DLG5: variants seen among roughly 807,000 people sequenced by gnomAD.
DLG5 encodes discs large MAGUK scaffold protein 5.
In DLG5, 48 loss-of-function variants were observed where a neutral mutation model predicts 189.8. That is an observed-to-expected ratio of 0.25 (90% CI 0.20 to 0.32). The LOEUF is 0.32. Among genes scored for constraint, DLG5 ranks in the 10% least tolerant of loss-of-function variants. The probability of loss-of-function intolerance (pLI) is 1.00; values close to 1 mark genes in which losing one functional copy is unlikely to be tolerated. For missense variants in DLG5, 2,160 were observed against 2,544.7 expected (o/e 0.85, Z 3.25); for synonymous variants, 1,016 against 1,054.1 (o/e 0.96, Z 0.70).
rs941709736 is a variant in DLG5, at chr10:77,850,964, T to G, written c.864+2390A>C. ...CAAACTAAACCCCAAGGCAAAAGGT[T>G]ACCTGAGCCAAGCGTAGACCAAGAA... On this transcript the variant is annotated intron_variant, in intron 5 of 31. Transcript: ENST00000372391. Among the ~76,000 whole-genome samples, 4 of 152,314 alleles carry G rather than the reference T, an allele frequency of 2.6e-5. No individual in the cohort carries two copies. In the South Asian group the frequency reaches 6.2e-4, roughly 24 times the overall value.
At position 77,821,498 on chromosome 10, in the gene DLG5, C is replaced by G; in HGVS notation, c.2986G>C (p.Gly996Arg). The G allele has an allele frequency of 6.2e-7, 1 of 1,612,634 alleles. No homozygotes were observed. Among genetic ancestry groups the G allele is most frequent in the Non-Finnish European group, 8.5e-7 (1 of 1,179,932 alleles). Residue 996 changes from glycine to arginine, a missense_variant, in exon 15 of 32, where the codon GGG becomes CGG. By Grantham distance (125) the Gly-to-Arg change is moderately radical (BLOSUM62 -2). Around this residue, in one of 5 missense-constraint regions of DLG5, gnomAD observed 754 missense variants for 746.5 expected, o/e 1.01. Transcript: ENST00000372391. ...PKIDYLLPGP[G>R]PAHSPQPSKR... Reference sequence around the variant, plus strand: ...GAGGGCTGGGGAGAGTGAGCAGGCCCAGGACCTGGAAGCAGGTAGTCTATT... The same window carrying G: ...GAGGGCTGGGGAGAGTGAGCAGGCCGAGGACCTGGAAGCAGGTAGTCTATT...
intron 2 of DLG5, among the ~76,000 whole-genome samples, chr10:77,863,832 G>C (rs934416079): frequency 8.5e-5 from 13 of 152,282 alleles, no homozygotes; most frequent in African/African-American, 3.1e-4. Flanking sequence ...GGCTCTGGAT[G>C]GAGACAAAGA....
At chr10:77,896,437 G>C (rs369455244) in intron 1 of DLG5, among the ~76,000 whole-genome samples, 1 of 152,180 alleles carries the variant, frequency 6.6e-6, no homozygotes, top group African/African-American at 2.4e-5. Context: ...GTACTGGTTT[G>C]TGCATACTTC....
At chr10:77,845,632 GGAGAAA>G (rs949315771) in intron 5 of DLG5, among the ~76,000 whole-genome samples, 1 of 151,388 alleles carries the variant, frequency 6.6e-6, no homozygotes, top group African/African-American at 2.4e-5. Context: ...AGGAAGGGGA[GGAGAAA>G]GAGAAAGAGA....
At chr10:77,826,842 G>A (rs1214112249) in intron 13 of DLG5, among the ~76,000 whole-genome samples, 3 of 151,942 alleles carry the variant, frequency 2.0e-5, no homozygotes, top group Middle Eastern at 3.2e-3. Context: ...CAGCTACTTG[G>A]GAGGCTGAAG....
intron 7 of DLG5, among the ~76,000 whole-genome samples, chr10:77,837,450 C>T (rs543148627): frequency 6.6e-6 from 1 of 152,250 alleles, no homozygotes; most frequent in African/African-American, 2.4e-5. Flanking sequence ...AGGAGGTGGG[C>T]AGCTCCCCCA....
At chr10:77,795,007 C>T (rs776478942) in intron 29 of DLG5, 49 bp from the exon 30 acceptor site, 1 of 1,519,474 alleles carries the variant, frequency 6.6e-7, no homozygotes, top group Non-Finnish European at 9.1e-7. Flanking sequence ...GAGGGGCAGC[C>T]AGCCCCCTGT....
intron 2 of DLG5, among the ~76,000 whole-genome samples, chr10:77,864,639 G>A (rs1176302107): frequency 6.6e-6 from 1 of 152,214 alleles, no homozygotes; most frequent in Non-Finnish European, 1.5e-5. Context: ...TGTGGTAAAA[G>A]CCCTCCGGGT....
chr10:77,899,613 G>A (rs1402443081), intron 1 of DLG5, among the ~76,000 whole-genome samples: 1 of 152,162 alleles, frequency 6.6e-6, no homozygotes, highest in Non-Finnish European at 1.5e-5. Flanking sequence ...CAGGCTCAAG[G>A]CCCAGCTTTC....
intron 1 of DLG5, among the ~76,000 whole-genome samples, chr10:77,924,744 T>C (rs901910072): frequency 6.6e-6 from 1 of 152,162 alleles, no homozygotes; most frequent in Non-Finnish European, 1.5e-5. Flanking sequence ...GGGGAAAGAA[T>C]GCAGGTTTGA....
chr10:77,906,727 C>A (rs1311617928), intron 1 of DLG5, among the ~76,000 whole-genome samples: 13 of 150,228 alleles, frequency 8.7e-5, no homozygotes, highest in African/African-American at 2.9e-4. Flanking sequence ...CCAGTTCAAG[C>A]GACTCTCCTA....
rs1269783384 is a variant in DLG5 at position 77,833,969 on chromosome 10, G to A, written c.1693C>T (p.Leu565=). The change falls in exon 9 of 32, where the codon CTG becomes TTG. Residue 565 remains leucine, a synonymous_variant. Transcript: ENST00000372391. ...TTCTTCTGCTTGCGGGTGTCATCCAGGCTGCGCAGGGCCTCAGCCAGCTCG... is the reference window on the plus strand; with the variant it reads ...TTCTTCTGCTTGCGGGTGTCATCCAAGCTGCGCAGGGCCTCAGCCAGCTCG... ...VSELAEALRS[L]DDTRKQKNDV... 1.2e-6 allele frequency: 2 copies of A among 1,607,492 alleles called. No individual in the cohort carries two copies. The highest frequency in any genetic ancestry group is 2.2e-5 in the South Asian group (2 of 91,070).
intron 1 of DLG5, among the ~76,000 whole-genome samples, chr10:77,924,228 G>A (rs980302149): frequency 6.6e-6 from 1 of 152,148 alleles, no homozygotes; most frequent in East Asian, 1.9e-4. Context: ...TTTTTCTAAG[G>A]ATTTCATGAC....
chr10:77,842,612 C>T (rs543378038), intron 6 of DLG5, among the ~76,000 whole-genome samples: 13 of 152,344 alleles, frequency 8.5e-5, no homozygotes, highest in African/African-American at 1.7e-4. Flanking sequence ...CAAGTTCGCT[C>T]GAAGAGCACA....
intron 4 of DLG5, among the ~76,000 whole-genome samples, 162 bp downstream of exon 4, chr10:77,854,065 T>A (rs1844111276): frequency 6.6e-6 from 1 of 152,274 alleles, no homozygotes; most frequent in Admixed American, 6.5e-5. Context: ...TTAGGAAAAC[T>A]GAGGCCCAAA....
intron 20 of DLG5, among the ~76,000 whole-genome samples, chr10:77,814,461 T>TTATATATATATATATA (rs59297524): frequency 9.9e-5 from 7 of 70,756 alleles, no homozygotes; most frequent in Admixed American, 2.0e-4. Flanking sequence ...TAAAGCATGT[T>TTATATATATATATATA]TATATATATA....
intron 7 of DLG5, among the ~76,000 whole-genome samples, chr10:77,839,535 A>G (rs1180282035): frequency 6.6e-6 from 1 of 151,272 alleles, no homozygotes; most frequent in East Asian, 1.9e-4. Context: ...AAATCTCAAA[A>G]CTCCATCCAC....
intron 1 of DLG5, among the ~76,000 whole-genome samples, chr10:77,888,555 A>G (rs148106605): frequency 1.1e-4 from 16 of 152,344 alleles, no homozygotes; most frequent in Non-Finnish European, 1.3e-4. Flanking sequence ...AGGCAATGGT[A>G]CTGACTCTTC....
At chr10:77,887,648 C>A (rs935596635) in intron 1 of DLG5, among the ~76,000 whole-genome samples, 4 of 151,756 alleles carry the variant, frequency 2.6e-5, no homozygotes, top group African/African-American at 9.7e-5. Context: ...TAAAAACAAA[C>A]AAAAAAAATA....
Sources: allele counts gnomAD v4.1 joint callset (sites outside exome capture counted in the v4.1 genomes callset), GRCh38; gene constraint gnomAD v4.1.1; regional missense constraint gnomAD v4.1.1; transcripts MANE v1.5; gene names NCBI Gene and HGNC (gene_info 2026-07-23, HGNC 2026-07-21).